The following THSD7B variants were observed in gnomAD, a reference collection of about 807,000 sequenced individuals.
THSD7B encodes the protein thrombospondin type-1 domain-containing protein 7B.
A neutral mutation model predicts 213.6 loss-of-function variants in THSD7B; 138 were observed. The observed-to-expected ratio is 0.65, with a 90% confidence interval of 0.56 to 0.74. THSD7B has a LOEUF of 0.74. THSD7B is among the 30% of genes least tolerant of loss of function. The pLI, the probability that THSD7B is intolerant of heterozygous loss-of-function variation, is 0.00. For synonymous variants in THSD7B, 742 were observed against 687.0 expected (o/e 1.08, Z -1.25); for missense variants, 1,931 against 1,991.5 (o/e 0.97, Z 0.58).
intron 15 of THSD7B, among the ~76,000 whole-genome samples, chr2:137,470,795 GGC>G (rs1404670202): frequency 6.6e-6 from 1 of 152,064 alleles, no homozygotes; most frequent in African/African-American, 2.4e-5. Flanking sequence ...CAGAATGTCT[GGC>G]ACTCTTCAGC....
intron 5 of THSD7B, among the ~76,000 whole-genome samples, chr2:137,141,650 A>G (rs1475692273): frequency 4.6e-5 from 7 of 151,098 alleles, no homozygotes; most frequent in Non-Finnish European, 1.0e-4. Flanking sequence ...TGAAAGGTAC[A>G]TGGGAACTCC....
intron 10 of THSD7B, among the ~76,000 whole-genome samples, chr2:137,270,437 C>T (rs1465458944): frequency 6.6e-6 from 1 of 152,126 alleles, no homozygotes; most frequent in Non-Finnish European, 1.5e-5. Flanking sequence ...GTGTTGGTCT[C>T]TCCTCCTTCT....
intron 5 of THSD7B, among the ~76,000 whole-genome samples, chr2:137,150,436 A>G (rs1022867668): frequency 6.6e-6 from 1 of 152,072 alleles, no homozygotes; most frequent in Admixed American, 6.5e-5. Context: ...GGTTACCTCC[A>G]TGCTGTTCTC....
chr2:137,148,250 A>G (rs1167691609), intron 5 of THSD7B, among the ~76,000 whole-genome samples: 2 of 152,008 alleles, frequency 1.3e-5, no homozygotes, highest in African/African-American at 4.8e-5. Flanking sequence ...CCCTTCCACC[A>G]TGATTATAAG....
At chr2:137,200,481 A>G (rs1293296345) in intron 7 of THSD7B, among the ~76,000 whole-genome samples, 1 of 152,070 alleles carries the variant, frequency 6.6e-6, no homozygotes, top group Non-Finnish European at 1.5e-5. Context: ...GAACATTTTT[A>G]GTAAAATGTA....
intron 2 of THSD7B, among the ~76,000 whole-genome samples, chr2:136,982,675 G>A (rs1558876013): frequency 6.6e-6 from 1 of 152,000 alleles, no homozygotes; most frequent in African/African-American, 2.4e-5. Context: ...TCCTTTTCAG[G>A]ATTTAGTGGG....
At chr2:136,820,499 A>C (rs1428835464) in intron 1 of THSD7B, among the ~76,000 whole-genome samples, 1 of 152,230 alleles carries the variant, frequency 6.6e-6, no homozygotes, top group Admixed American at 6.5e-5. Context: ...CATGAGGTTT[A>C]GTTAACAAAA....
intron 2 of THSD7B, among the ~76,000 whole-genome samples, chr2:136,912,041 G>T (rs1684267663): frequency 6.6e-6 from 1 of 152,076 alleles, no homozygotes; most frequent in African/African-American, 2.4e-5. Flanking sequence ...GAGGGGCCAG[G>T]TGCAGTGGCT....
chr2:137,481,985 G>A (rs146041453), intron 15 of THSD7B, among the ~76,000 whole-genome samples: 2,058 of 152,152 alleles, frequency 0.014, 36 homozygotes, highest in Middle Eastern at 0.051. Context: ...AGACCATCCC[G>A]GCTAATACGG....
chr2:137,300,360 G>C (rs943144040), intron 12 of THSD7B, among the ~76,000 whole-genome samples: 8 of 152,102 alleles, frequency 5.3e-5, no homozygotes, highest in Admixed American at 4.6e-4. Context: ...TGAAAATTTA[G>C]AAGCTTTCCT....
At chr2:137,474,582 G>A (rs1355398274) in intron 15 of THSD7B, among the ~76,000 whole-genome samples, 1 of 152,118 alleles carries the variant, frequency 6.6e-6, no homozygotes, top group Non-Finnish European at 1.5e-5. Context: ...ACATCAGGTG[G>A]CAGTCAAGAT....
At position 137,120,112 on chromosome 2, in the gene THSD7B, A is replaced by G. The variant is rs945115267; in HGVS notation, c.1369+4819A>G. Among the ~76,000 whole-genome samples the G allele has an allele frequency of 9.2e-5, 14 of 152,166 alleles. 1 individual carries two copies. The highest frequency in any genetic ancestry group is 5.9e-4 in the Admixed American group (9 of 15,256). ...TTCTCTTGCTTTATGCTAAGAGAGA[A>G]GCAGAGATAACGGGATAAAATAACC... is the stretch of plus-strand genomic sequence containing the variant. On this transcript the variant is annotated intron_variant, in intron 5 of 27. Transcript: ENST00000409968.
At chr2:136,871,247 A>T (rs1460772209) in intron 1 of THSD7B, among the ~76,000 whole-genome samples, 1 of 152,158 alleles carries the variant, frequency 6.6e-6, no homozygotes, top group Non-Finnish European at 1.5e-5. Context: ...GGGCGAAGTC[A>T]GGTTGAAGAT....
At chr2:137,320,974 G>T (rs1178336923) in intron 12 of THSD7B, among the ~76,000 whole-genome samples, 1 of 152,228 alleles carries the variant, frequency 6.6e-6, no homozygotes, top group Non-Finnish European at 1.5e-5. Context: ...CTTTGAGCGT[G>T]TGTGTGCCTT....
chr2:136,856,739 C>G (rs1182983571), intron 1 of THSD7B, among the ~76,000 whole-genome samples: 1 of 152,174 alleles, frequency 6.6e-6, no homozygotes, highest in Non-Finnish European at 1.5e-5. Context: ...TGGTCTTGAA[C>G]TACTGACCTC....
intron 1 of THSD7B, among the ~76,000 whole-genome samples, chr2:136,811,040 A>G (rs538974414): frequency 6.6e-6 from 1 of 152,254 alleles, no homozygotes; most frequent in African/African-American, 2.4e-5. Flanking sequence ...AGTTGGCAAC[A>G]AAGGGAGCCC....
chr2:137,008,423 G>T (rs1686158109), intron 2 of THSD7B, among the ~76,000 whole-genome samples: 1 of 152,148 alleles, frequency 6.6e-6, no homozygotes, highest in African/African-American at 2.4e-5. Flanking sequence ...AGGGTGCATT[G>T]TGTCTTTAGA....
intron 2 of THSD7B, among the ~76,000 whole-genome samples, chr2:136,974,576 C>A (rs922080907): frequency 6.6e-6 from 1 of 152,154 alleles, no homozygotes; most frequent in African/African-American, 2.4e-5. Flanking sequence ...ATATGTACCA[C>A]ATTTTCATTA....
chr2:136,942,646 C>G (rs901050357), intron 2 of THSD7B, among the ~76,000 whole-genome samples: 29 of 152,104 alleles, frequency 1.9e-4, no homozygotes, highest in Non-Finnish European at 2.8e-4. Flanking sequence ...ATTTGGCTCT[C>G]TGTTTGTCTG....
Sources: gnomAD v4.1 joint callset for allele counts (sites outside exome capture counted in the v4.1 genomes callset) on GRCh38, gnomAD v4.1.1 for gene constraint, MANE v1.5 for transcripts, NCBI Gene and HGNC (gene_info 2026-07-23, HGNC 2026-07-21) for gene names.